Variants in PTPRD observed in about 807,000 individuals in gnomAD.
PTPRD encodes the protein receptor-type tyrosine-protein phosphatase delta.
Under a neutral mutation model 214.5 loss-of-function variants are expected in PTPRD, and 34 were observed. That is an observed-to-expected ratio of 0.16 (90% CI 0.12 to 0.21). The LOEUF is 0.21. Ranked by LOEUF, PTPRD falls within the 10% of genes least tolerant of loss-of-function variation. The pLI is 1.00. For missense variants in PTPRD, 2,545 were observed against 2,398.7 expected, an observed-to-expected ratio of 1.06 and a Z score of -1.27; for synonymous variants, 1,128 against 845.7, an observed-to-expected ratio of 1.33 and a Z score of -5.79.
intron 11 of PTPRD, among the ~76,000 whole-genome samples, chr9:8,914,854 AT>A (rs1198833427): frequency 6.6e-6 from 1 of 152,146 alleles, no homozygotes; most frequent in Non-Finnish European, 1.5e-5. Context: ...GGATTTTATT[AT>A]TGTTTTTAGA....
At chr9:8,607,078 T>G (rs2154283952) in intron 14 of PTPRD, among the ~76,000 whole-genome samples, 1 of 152,290 alleles carries the variant, frequency 6.6e-6, no homozygotes, top group East Asian at 1.9e-4. Context: ...GGATACAAAA[T>G]TTTGGTTAGG....
At chr9:9,258,773 A>G (rs1282921473) in intron 9 of PTPRD, among the ~76,000 whole-genome samples, 1 of 151,896 alleles carries the variant, frequency 6.6e-6, no homozygotes, top group Non-Finnish European at 1.5e-5. Context: ...AGATCATTAC[A>G]AGTTCAAACT....
chr9:9,817,050 C>G (rs986663236), intron 5 of PTPRD, among the ~76,000 whole-genome samples: 9 of 151,844 alleles, frequency 5.9e-5, no homozygotes, highest in Non-Finnish European at 7.4e-5. Context: ...TACCAGCTGT[C>G]AAAAAAATTA....
intron 2 of PTPRD, among the ~76,000 whole-genome samples, chr9:10,506,167 A>G (rs10959130): frequency 0.31 from 47,645 of 151,988 alleles, 7,544 homozygotes; most frequent in South Asian, 0.46. Flanking sequence ...CAGATGGGTA[A>G]GGGGAAATGG....
At chr9:9,838,926 C>G (rs1016288843) in intron 5 of PTPRD, among the ~76,000 whole-genome samples, 11 of 152,124 alleles carry the variant, frequency 7.2e-5, no homozygotes, top group African/African-American at 2.7e-4. Flanking sequence ...TTTAATCCAT[C>G]TTGAATTAAT....
At position 10,410,284 on chromosome 9, in the gene PTPRD, C is replaced by A. The variant is rs867824704; in HGVS notation, c.-599-69267G>T. ...ATATATATATATACACACACACACA[C>A]AATATATAATATATATAATATATAT... On this transcript the variant is annotated intron_variant, in intron 2 of 45. Coordinates refer to ENST00000381196, the MANE Select transcript of PTPRD (RefSeq NM_002839.4). Among the ~76,000 whole-genome samples the A allele has an allele frequency of 1.3e-3, 160 of 127,884 alleles. 2 individuals carry two copies. The South Asian group carries it at 0.021, about 17-fold the overall frequency. 83.9% of individuals were successfully genotyped at this position (127,884 alleles called of 152,430 possible). A position where few individuals can be genotyped will look rare whatever the true frequency, so the allele number is the denominator to read the frequency against.
intron 10 of PTPRD, among the ~76,000 whole-genome samples, chr9:9,091,749 T>C (rs928346620): frequency 6.6e-6 from 1 of 152,184 alleles, no homozygotes; most frequent in African/African-American, 2.4e-5. Context: ...AACCAGCCAA[T>C]ATAGTAAAGT....
intron 5 of PTPRD, among the ~76,000 whole-genome samples, chr9:9,790,651 G>C (rs1021644116): frequency 6.6e-6 from 1 of 152,064 alleles, no homozygotes; most frequent in African/African-American, 2.4e-5. Context: ...AAAATAACAA[G>C]GACTTAATGT....
intron 11 of PTPRD, among the ~76,000 whole-genome samples, chr9:8,749,216 C>T (rs956625638): frequency 6.6e-6 from 1 of 152,180 alleles, no homozygotes; most frequent in Non-Finnish European, 1.5e-5. Flanking sequence ...GAGTCTCGCT[C>T]TGTCGCCCAG....
intron 14 of PTPRD, among the ~76,000 whole-genome samples, chr9:8,541,128 G>C (rs917571913): frequency 1.4e-4 from 22 of 152,154 alleles, no homozygotes; most frequent in African/African-American, 4.6e-4. Context: ...ATGTATTACA[G>C]ATCTATGGGG....
chr9:8,521,353 T>C lies in PTPRD; in HGVS notation c.885A>G (p.Arg295=), dbSNP rs1011451479. 3.1e-6 allele frequency: 5 copies of C among 1,613,874 alleles called. No homozygotes were observed. Among genetic ancestry groups the C allele is most frequent in the Admixed American group, 1.7e-5 (1 of 59,990 alleles). ...CAACACAGGTGTAATTTGCTGACTG[T>C]CTTACATCATTCAGTTCTAGCACAT... is the stretch of plus-strand genomic sequence containing the variant. ...GRNVLELNDV[R]QSANYTCVAM... Residue 295 remains arginine (R), a synonymous_variant, in exon 20 of 46, where the codon AGA becomes AGG. Transcript: ENST00000381196.
chr9:9,864,660 A>AG (rs2063546375), intron 5 of PTPRD, among the ~76,000 whole-genome samples: 1 of 151,992 alleles, frequency 6.6e-6, no homozygotes, highest in Non-Finnish European at 1.5e-5. Context: ...CTGGGACCAC[A>AG]GGCGCACACC....
At chr9:9,603,469 G>C (rs1033939548) in intron 7 of PTPRD, among the ~76,000 whole-genome samples, 1 of 152,256 alleles carries the variant, frequency 6.6e-6, no homozygotes, top group African/African-American at 2.4e-5. Flanking sequence ...CCAACCCTAA[G>C]GACACAGACT....
intron 35 of PTPRD, among the ~76,000 whole-genome samples, chr9:8,417,170 T>C (rs1398551605): frequency 6.6e-6 from 1 of 152,162 alleles, no homozygotes; most frequent in Non-Finnish European, 1.5e-5. Context: ...GCCACAGCTT[T>C]CTATAATATA....
chr9:8,973,010 G>GA (rs35822140), intron 11 of PTPRD, among the ~76,000 whole-genome samples: 56,954 of 143,052 alleles, frequency 0.4, 11,374 homozygotes, highest in East Asian at 0.49. Flanking sequence ...CCCCCAGGGA[G>GA]AAAAAAAAAA....
At chr9:8,579,177 A>G (rs2092787756) in intron 14 of PTPRD, among the ~76,000 whole-genome samples, 1 of 152,182 alleles carries the variant, frequency 6.6e-6, no homozygotes. Context: ...ACAACACAAC[A>G]TTTTCTTTGT....
chr9:10,050,583 A>AAAAAAAAAAAAAAAAAAAAAAAAAAAAT, intron 3 of PTPRD, among the ~76,000 whole-genome samples: 1 of 148,960 alleles, frequency 6.7e-6, no homozygotes, highest in African/African-American at 2.5e-5. Context: ...AAAAAAAAAA[A>AAAAAAAAAAAAAAAAAAAAAAAAAAAAT]AAAAAAAGAC....
chr9:9,327,483 C>T (rs980459942), intron 9 of PTPRD, among the ~76,000 whole-genome samples: 2 of 151,990 alleles, frequency 1.3e-5, no homozygotes, highest in African/African-American at 4.8e-5. Context: ...CAAATGTTTT[C>T]AGAGAAATTT....
Position 9,825,964 on chromosome 9 carries a change from T to G in PTPRD, c.-367-59113A>C, listed in dbSNP as rs148286169. 2.6e-5 allele frequency among the ~76,000 whole-genome samples: 4 copies of G among 151,858 alleles called. No individual in the cohort carries two copies. In the East Asian group the frequency reaches 7.7e-4, roughly 29 times the overall value. On this transcript the variant is annotated intron_variant, in intron 5 of 45. Transcript: ENST00000381196. ...ACTAATAATTCCAGGTTGATATCCT[T>G]AAGTACATGAAATTAGATTATCTTT... is the stretch of plus-strand genomic sequence containing the variant.
Sources: gnomAD v4.1 joint callset for allele counts (sites outside exome capture counted in the v4.1 genomes callset) on GRCh38, gnomAD v4.1.1 for gene constraint, MANE v1.5 for transcripts, NCBI Gene and HGNC (gene_info 2026-07-23, HGNC 2026-07-21) for gene names.